The following MYLK variants were observed in gnomAD, a reference collection of about 807,000 sequenced individuals.
The protein encoded by MYLK is myosin light chain kinase, also known as myosin light chain kinase, smooth muscle.
Under a neutral mutation model 203.4 loss-of-function variants are expected in MYLK, and 106 were observed. The observed-to-expected ratio is 0.52, with a 90% CI of 0.45 to 0.61. The LOEUF is 0.61. Ranked by LOEUF, MYLK falls within the 20% of genes least tolerant of loss-of-function variation. The pLI is 0.00. For synonymous variants in MYLK, 867 were observed against 959.5 expected, an observed-to-expected ratio of 0.90 and a Z score of 1.78; for missense variants, 2,072 against 2,442.3, an observed-to-expected ratio of 0.85 and a Z score of 3.20.
At chr3:123,668,683 G>A (rs1358779661) in intron 20 of MYLK, among the ~76,000 whole-genome samples, 2 of 152,000 alleles carry the variant, frequency 1.3e-5, no homozygotes, top group African/African-American at 4.8e-5. Context: ...AAAAAATGAG[G>A]AAAAGCCACT....
At chr3:123,829,950 G>A (rs887541524) in intron 3 of MYLK, among the ~76,000 whole-genome samples, 1 of 152,138 alleles carries the variant, frequency 6.6e-6, no homozygotes, top group Non-Finnish European at 1.5e-5. Context: ...ATGGTGTCAT[G>A]TGCCCCTAGG....
intron 3 of MYLK, among the ~76,000 whole-genome samples, chr3:123,821,528 T>G (rs1330966791): frequency 6.6e-6 from 1 of 152,208 alleles, no homozygotes; most frequent in Non-Finnish European, 1.5e-5. Flanking sequence ...GGATGAACCC[T>G]TGATCTGCAG....
intron 2 of MYLK, among the ~76,000 whole-genome samples, chr3:123,851,205 T>C (rs2030757322): frequency 6.6e-6 from 1 of 152,214 alleles, no homozygotes; most frequent in Admixed American, 6.5e-5. Context: ...TTCTTTTGGC[T>C]TAGGATTGTC....
intron 30 of MYLK, among the ~76,000 whole-genome samples, chr3:123,628,672 G>T (rs538701156): frequency 6.6e-6 from 1 of 152,326 alleles, no homozygotes; most frequent in African/African-American, 2.4e-5. Flanking sequence ...CCTTCCAGGA[G>T]ATTCTGTCTA....
intron 19 of MYLK, among the ~76,000 whole-genome samples, chr3:123,684,462 C>T (rs1032351897): frequency 4.6e-5 from 7 of 152,178 alleles, no homozygotes; most frequent in Non-Finnish European, 1.0e-4. Context: ...CCGGGCCTCT[C>T]CCTTCTTCCC....
chr3:123,834,176 G>A (rs1233742430), intron 2 of MYLK, among the ~76,000 whole-genome samples: 1 of 152,104 alleles, frequency 6.6e-6, no homozygotes, highest in Non-Finnish European at 1.5e-5. Flanking sequence ...CTCCCAAGTA[G>A]TTGGGACTAC....
At chr3:123,824,675 C>A (rs185885344) in intron 3 of MYLK, among the ~76,000 whole-genome samples, 145 of 152,016 alleles carry the variant, frequency 9.5e-4, no homozygotes, top group African/African-American at 3.4e-3. Context: ...CATGATCAAA[C>A]CCCATATTTA....
rs2031259158 is a variant in MYLK at position 123,855,319 on chromosome 3, C to T, written c.-127+21240G>A. Among the ~76,000 whole-genome samples, 4 of 152,200 alleles carry T rather than the reference C, an allele frequency of 2.6e-5. No individual in the cohort carries two copies. The South Asian group carries it at 8.3e-4, about 31-fold the overall frequency. On this transcript the variant is annotated intron_variant, in intron 2 of 33. Transcript: ENST00000360304. ...ATTTCTGTGCCGCAGCCAGGCTAAA[C>T]TTCTCCGTACTATTTTCCAATCTGT...
rs2057784406 is a variant in MYLK, at chr3:123,620,347, G to A, written c.5239-11C>T. Reference sequence around the variant, plus strand: ...AGCATTGCCCGTTTTCTGGAAAATAGACACGAGGGTTGGACTCAGGCGTTG... The same window carrying A: ...AGCATTGCCCGTTTTCTGGAAAATAAACACGAGGGTTGGACTCAGGCGTTG... On this transcript the variant is annotated splice_polypyrimidine_tract_variant and intron_variant, in intron 31 of 33. Coordinates refer to ENST00000360304, the MANE Select transcript of MYLK (RefSeq NM_053025.4). 6.2e-7 allele frequency: 1 copy of A among 1,613,986 alleles called. No homozygotes were observed.
intron 19 of MYLK, among the ~76,000 whole-genome samples, chr3:123,683,640 C>T (rs2877735): frequency 0.086 from 13,126 of 152,132 alleles, 1,692 homozygotes; most frequent in African/African-American, 0.28. Context: ...CTCCTCTCTG[C>T]TATGGGTAAT....
chr3:123,819,917 C>T (rs1052154933), intron 3 of MYLK, among the ~76,000 whole-genome samples: 5 of 151,664 alleles, frequency 3.3e-5, no homozygotes, highest in African/African-American at 7.3e-5. Context: ...AAAACAGGTG[C>T]ACCACCCTCC....
At chr3:123,806,536 C>T (rs1175129227) in intron 3 of MYLK, among the ~76,000 whole-genome samples, 1 of 152,166 alleles carries the variant, frequency 6.6e-6, no homozygotes, top group Non-Finnish European at 1.5e-5. Context: ...GATGGTGATA[C>T]TTAGCTAATG....
intron 2 of MYLK, among the ~76,000 whole-genome samples, chr3:123,864,277 G>A (rs912311769): frequency 6.6e-6 from 1 of 152,168 alleles, no homozygotes; most frequent in African/African-American, 2.4e-5. Context: ...GGTTTCACAG[G>A]TGCATGCTTT....
At position 123,642,116 on chromosome 3, in the gene MYLK, G is replaced by A. The variant is rs1366150794; in HGVS notation, c.4620-1612C>T. On this transcript the variant is annotated intron_variant, in intron 27 of 33. Transcript: ENST00000360304. The surrounding 1 kb of genome is among the most constrained non-coding windows in gnomAD (Gnocchi z 4.2). ...GCCTGTAGGTCCACCAGTTGAACAA[G>A]GCCGGGTGGGTTCTGGGCCTGTCCT... Among the ~76,000 whole-genome samples the A allele has an allele frequency of 6.6e-6, 1 of 152,138 alleles. No homozygotes were observed. The highest frequency in any genetic ancestry group is 1.5e-5 in the Non-Finnish European group (1 of 68,034).
chr3:123,632,291 G>T (rs548656423), intron 29 of MYLK, among the ~76,000 whole-genome samples: 72 of 152,240 alleles, frequency 4.7e-4, no homozygotes, highest in Non-Finnish European at 8.4e-4. Context: ...TCAGGAAGCA[G>T]CCTGTCTCTT....
At chr3:123,619,578 C>G (rs1193457765) in intron 32 of MYLK, among the ~76,000 whole-genome samples, 1 of 152,188 alleles carries the variant, frequency 6.6e-6, no homozygotes, top group Non-Finnish European at 1.5e-5. Context: ...GGGTCTGGCC[C>G]TGCATGCACC....
Position 123,675,666 on chromosome 3 carries a change from C to T in MYLK, c.3652+6558G>A, listed in dbSNP as rs139034775. On this transcript the variant is annotated intron_variant, in intron 20 of 33. Coordinates refer to ENST00000360304, the MANE Select transcript of MYLK (RefSeq NM_053025.4). ...TTTTAGGTAGGTAGTTAAAAATAGA[C>T]ATCAAATCCTTCAAAATTCCCAAAA... is the stretch of plus-strand genomic sequence containing the variant. Among the ~76,000 whole-genome samples the T allele has an allele frequency of 2.8e-4, 42 of 152,264 alleles. No individual in the cohort carries two copies. The South Asian group carries it at 5.6e-3, about 20-fold the overall frequency.
rs551430982 is a variant in MYLK at position 123,638,931 on chromosome 3, A to C, written c.4838-737T>G. On this transcript the variant is annotated intron_variant, in intron 28 of 33. Transcript: ENST00000360304. ...TCTTGCTTAACTTCGCAGAGCTCACAGCAAATGTTCTAAAACAAAGCATTT... is the reference window on the plus strand; with the variant it reads ...TCTTGCTTAACTTCGCAGAGCTCACCGCAAATGTTCTAAAACAAAGCATTT... 24 of 985,476 alleles carry C rather than the reference A, an allele frequency of 2.4e-5. No individual in the cohort carries two copies. In the African/African-American group the frequency reaches 4.2e-4, roughly 17 times the overall value. 61.0% of individuals were successfully genotyped at this position (985,476 alleles called of 1,614,324 possible). A position where few individuals can be genotyped will look rare whatever the true frequency, so the allele number is the denominator to read the frequency against.
At chr3:123,726,284 C>T (rs1326641919) in intron 11 of MYLK, among the ~76,000 whole-genome samples, 1 of 152,194 alleles carries the variant, frequency 6.6e-6, no homozygotes, top group Non-Finnish European at 1.5e-5. Context: ...GAGTCACCCG[C>T]AGGGGCTTTT....
Sources: allele counts gnomAD v4.1 joint callset (sites outside exome capture counted in the v4.1 genomes callset), GRCh38; gene constraint gnomAD v4.1.1; non-coding constraint Gnocchi (gnomAD v3.1); transcripts MANE v1.5; gene names NCBI Gene and HGNC (gene_info 2026-07-23, HGNC 2026-07-21).